ARHGAP32: variants seen among roughly 807,000 people sequenced by gnomAD.
The protein encoded by ARHGAP32 is rho GTPase-activating protein 32.
A neutral mutation model predicts 186.5 loss-of-function variants in ARHGAP32; 51 were observed. That is an observed-to-expected ratio of 0.27 (90% CI 0.22 to 0.35). ARHGAP32 has a LOEUF of 0.35. ARHGAP32 is among the 10% of genes least tolerant of loss of function. The pLI is 1.00. For synonymous variants in ARHGAP32, 950 were observed against 964.3 expected, an observed-to-expected ratio of 0.99 and a Z score of 0.27; for missense variants, 2,186 against 2,623.5, an observed-to-expected ratio of 0.83 and a Z score of 3.64.
chr11:129,213,484 A>T (rs1944607953), intron 1 of ARHGAP32, among the ~76,000 whole-genome samples: 1 of 152,228 alleles, frequency 6.6e-6, no homozygotes, highest in Non-Finnish European at 1.5e-5. Context: ...AGTCACTGAT[A>T]CATGAGTCCA....
chr11:129,237,122 C>A (rs1465654749), intron 1 of ARHGAP32, among the ~76,000 whole-genome samples: 1 of 152,116 alleles, frequency 6.6e-6, no homozygotes, highest in South Asian at 2.1e-4. Context: ...GGTAGATTAT[C>A]TTTTTGATAT....
chr11:129,193,326 GGC>G (rs1183919198), upstream of ARHGAP32, among the ~76,000 whole-genome samples: 14 of 6,474 alleles, frequency 2.2e-3, no homozygotes, highest in East Asian at 0.022. Context: ...GGGGGGGGGG[GGC>G]GGGAAACAGC....
intron 15 of ARHGAP32, among the ~76,000 whole-genome samples, chr11:128,983,690 A>C (rs1428672810): frequency 6.7e-6 from 1 of 150,322 alleles, no homozygotes; most frequent in African/African-American, 2.4e-5. Context: ...TCCTCAGCCA[A>C]AAAAAAAAGA....
chr11:129,160,684 C>G (rs576292478), intron 2 of ARHGAP32, among the ~76,000 whole-genome samples: 1 of 152,264 alleles, frequency 6.6e-6, no homozygotes, highest in South Asian at 2.1e-4. Flanking sequence ...AAAGATATTC[C>G]ATGCTCATGG....
At chr11:129,026,649 C>T (rs1001295497) in intron 11 of ARHGAP32, among the ~76,000 whole-genome samples, 6 of 151,568 alleles carry the variant, frequency 4.0e-5, no homozygotes, top group African/African-American at 1.5e-4. Context: ...AAAAATTAGC[C>T]GGGCATGGTG....
intron 1 of ARHGAP32, among the ~76,000 whole-genome samples, chr11:129,222,030 T>C (rs1446368429): frequency 6.6e-6 from 1 of 152,116 alleles, no homozygotes; most frequent in Non-Finnish European, 1.5e-5. Context: ...GTGGGACCAA[T>C]TACTTCTGAA....
intron 2 of ARHGAP32, among the ~76,000 whole-genome samples, chr11:129,135,224 G>C (rs553861194): frequency 6.6e-6 from 1 of 152,176 alleles, no homozygotes; most frequent in Non-Finnish European, 1.5e-5. Flanking sequence ...GAAGTACCAA[G>C]ATAAGAAGGG....
intron 1 of ARHGAP32, among the ~76,000 whole-genome samples, chr11:129,216,570 G>C (rs544384983): frequency 3.8e-4 from 57 of 149,398 alleles, no homozygotes; most frequent in Admixed American, 1.7e-3. Context: ...CTACTTGGGA[G>C]TAAGGCAGGA....
At chr11:129,073,844 C>T (rs755961192) in intron 6 of ARHGAP32, among the ~76,000 whole-genome samples, 4 of 151,428 alleles carry the variant, frequency 2.6e-5, no homozygotes, top group East Asian at 3.9e-4. Flanking sequence ...TGGGAGTTTG[C>T]GGGGGAAACA....
chr11:129,234,810 C>G (rs1944906244), intron 1 of ARHGAP32, among the ~76,000 whole-genome samples: 1 of 152,030 alleles, frequency 6.6e-6, no homozygotes, highest in Non-Finnish European at 1.5e-5. Flanking sequence ...GCAACAAAAA[C>G]CTAGCAACAG....
chr11:129,148,730 C>G (rs1386710586), intron 2 of ARHGAP32, among the ~76,000 whole-genome samples: 1 of 152,186 alleles, frequency 6.6e-6, no homozygotes, highest in African/African-American at 2.4e-5. Flanking sequence ...AGCAGGAAAG[C>G]TCACAGCCTG....
intron 2 of ARHGAP32, among the ~76,000 whole-genome samples, chr11:129,151,115 CAGTAGA>C (rs1170020674): frequency 6.6e-6 from 1 of 151,628 alleles, no homozygotes; most frequent in African/African-American, 2.4e-5. Context: ...AAAGCAAAAA[CAGTAGA>C]AAAAAGACAA....
At chr11:129,145,690 A>G (rs148514768) in intron 2 of ARHGAP32, among the ~76,000 whole-genome samples, 2 of 152,298 alleles carry the variant, frequency 1.3e-5, no homozygotes, top group African/African-American at 2.4e-5. Flanking sequence ...TGGTTCAACA[A>G]TTCAAACGGT....
Position 128,972,543 on chromosome 11 carries a change from G to C in ARHGAP32, c.3963C>G (p.Pro1321=), listed in dbSNP as rs1280084974. 1 of 1,569,664 alleles carries C rather than the reference G, an allele frequency of 6.4e-7. No individual in the cohort carries two copies. Among genetic ancestry groups the C allele is most frequent in the African/African-American group, 1.3e-5 (1 of 74,090 alleles). ...CTGCAGATCTCTGGGAAGGCGGAGG[G>C]GGAAGGGGACGATTAGTTCTGTGCG... ...QRTHRTNRPL[P]PPPSQRSAEQ... is the part of the protein sequence containing the mutation. Residue 1321 remains proline, a synonymous_variant, in exon 22 of 23, where the codon CCC becomes CCG. Transcript: ENST00000682385.
At chr11:129,080,713 C>T (rs1941193951) in intron 6 of ARHGAP32, among the ~76,000 whole-genome samples, 1 of 151,694 alleles carries the variant, frequency 6.6e-6, no homozygotes, top group African/African-American at 2.4e-5. Flanking sequence ...CGAGAACAAA[C>T]CAAACCCAAA....
At chr11:128,982,562 G>A (rs1051684383) in intron 15 of ARHGAP32, among the ~76,000 whole-genome samples, 14 of 151,850 alleles carry the variant, frequency 9.2e-5, no homozygotes, top group South Asian at 2.1e-4. Context: ...GTCTCAAAGC[G>A]TCCTACCTAA....
chr11:129,151,209 C>A (rs1008041224), intron 2 of ARHGAP32, among the ~76,000 whole-genome samples: 1 of 152,052 alleles, frequency 6.6e-6, no homozygotes, highest in Admixed American at 6.6e-5. Context: ...GCACTTAACA[C>A]GAGGTCTCCC....
chr11:128,983,111 C>T (rs1435169336), intron 15 of ARHGAP32, among the ~76,000 whole-genome samples: 3 of 152,072 alleles, frequency 2.0e-5, no homozygotes, highest in Non-Finnish European at 2.9e-5. Context: ...ATTTAATTCT[C>T]ATAATAGCTC....
chr11:129,192,612 A>G (rs557668872), upstream of ARHGAP32, among the ~76,000 whole-genome samples: 1 of 152,314 alleles, frequency 6.6e-6, no homozygotes, highest in African/African-American at 2.4e-5. Context: ...AGAAAACTAG[A>G]AAGAATAACA....
Sources: allele counts gnomAD v4.1 joint callset (sites outside exome capture counted in the v4.1 genomes callset), GRCh38; gene constraint gnomAD v4.1.1; transcripts MANE v1.5; gene names NCBI Gene and HGNC (gene_info 2026-07-23, HGNC 2026-07-21).